NCOA1: variants seen among roughly 807,000 people sequenced by gnomAD.
NCOA1 encodes the protein Hin-2 protein.
NCOA1 carries 35 observed loss-of-function variants against 150.9 expected under a neutral mutation model. That is an observed-to-expected ratio of 0.23 (90% CI 0.18 to 0.31). The LOEUF is 0.31. Ranked by LOEUF, NCOA1 falls within the 10% of genes least tolerant of loss-of-function variation. NCOA1 has a pLI of 1.00. For synonymous variants in NCOA1, 590 were observed against 630.0 expected (o/e 0.94, Z 0.95); for missense variants, 1,491 against 1,749.3 (o/e 0.85, Z 2.63).
chr2:24,540,081 T>C (rs1389251024), intron 1 of NCOA1, among the ~76,000 whole-genome samples: 2 of 152,098 alleles, frequency 1.3e-5, no homozygotes, highest in Non-Finnish European at 1.5e-5. Context: ...GAAAGCAATA[T>C]GAGATAAGTA....
intron 3 of NCOA1, among the ~76,000 whole-genome samples, chr2:24,641,756 G>A (rs909172311): frequency 9.9e-5 from 15 of 151,926 alleles, no homozygotes; most frequent in African/African-American, 3.6e-4. Flanking sequence ...TGTATGTGAC[G>A]TGCTACCTTG....
intron 3 of NCOA1, among the ~76,000 whole-genome samples, chr2:24,637,850 C>A (rs2148447791): frequency 6.6e-6 from 1 of 152,244 alleles, no homozygotes; most frequent in African/African-American, 2.4e-5. Flanking sequence ...CATGCGCCAC[C>A]ATGTCCGGCT....
chr2:24,528,212 G>A (rs1159607682), intron 1 of NCOA1, among the ~76,000 whole-genome samples: 1 of 151,930 alleles, frequency 6.6e-6, no homozygotes, highest in African/African-American at 2.4e-5. Context: ...CTTTTGGTGT[G>A]TTGTGTTAAG....
chr2:24,683,242 A>C, intron 8 of NCOA1, 114 bp downstream of exon 8: 2 of 611,746 alleles, frequency 3.3e-6, no homozygotes, highest in Non-Finnish European at 4.6e-6. Context: ...ATATGTTATA[A>C]TATGTGTTTA....
intron 1 of NCOA1, among the ~76,000 whole-genome samples, chr2:24,540,559 A>G (rs887358395): frequency 5.9e-5 from 9 of 152,008 alleles, no homozygotes; most frequent in African/African-American, 2.4e-5. Context: ...CCCAGGTTCA[A>G]GTGATTCTCC....
chr2:24,700,011 C>T (rs947056380), intron 11 of NCOA1, among the ~76,000 whole-genome samples: 5 of 151,968 alleles, frequency 3.3e-5, no homozygotes, highest in East Asian at 3.9e-4. Context: ...CGCATGGTGG[C>T]GCAGTCCTGT....
At chr2:24,732,361 A>G (rs1300450370) in intron 17 of NCOA1, among the ~76,000 whole-genome samples, 1 of 152,232 alleles carries the variant, frequency 6.6e-6, no homozygotes, top group African/African-American at 2.4e-5. Flanking sequence ...TATAAGCCCC[A>G]TGTATGTCTA....
intron 1 of NCOA1, among the ~76,000 whole-genome samples, chr2:24,506,645 C>A (rs1663708742): frequency 6.6e-6 from 1 of 152,088 alleles, no homozygotes; most frequent in Non-Finnish European, 1.5e-5. Context: ...AGAGAATACT[C>A]ACCTGATTGC....
At chr2:24,751,913 G>C (rs1332807270) in intron 19 of NCOA1, 69 bp from the exon 20 acceptor site, 2 of 1,378,034 alleles carry the variant, frequency 1.5e-6, no homozygotes, top group Non-Finnish European at 2.0e-6. Flanking sequence ...GATCCTTTTG[G>C]GTTTTTTCAT....
At chr2:24,658,624 T>G in intron 4 of NCOA1, 37 bp from the exon 5 acceptor site, 1 of 1,505,426 alleles carries the variant, frequency 6.6e-7, no homozygotes, top group Non-Finnish European at 9.2e-7. Flanking sequence ...GGAAAGGTCA[T>G]AAGGGTAGAT....
intron 19 of NCOA1, 71 bp from the exon 20 acceptor site, chr2:24,751,911 T>C: frequency 7.4e-7 from 1 of 1,355,852 alleles, no homozygotes; most frequent in Non-Finnish European, 1.0e-6. Flanking sequence ...CAGATCCTTT[T>C]GGGTTTTTTC....
At chr2:24,500,119 T>G (rs1354886454) in intron 1 of NCOA1, among the ~76,000 whole-genome samples, 1 of 152,196 alleles carries the variant, frequency 6.6e-6, no homozygotes, top group Non-Finnish European at 1.5e-5. Flanking sequence ...TTTCTTTCTT[T>G]TTTTTTGAGA....
At chr2:24,626,527 G>T (rs577488953) in intron 3 of NCOA1, among the ~76,000 whole-genome samples, 1 of 152,188 alleles carries the variant, frequency 6.6e-6, no homozygotes, top group African/African-American at 2.4e-5. Context: ...TCTAAGAACC[G>T]AGAGAGCTGG....
chr2:24,720,710 AAAAAGAAAGAAAAAAG>A (rs1674319676), intron 14 of NCOA1, among the ~76,000 whole-genome samples: 1 of 152,230 alleles, frequency 6.6e-6, no homozygotes. Flanking sequence ...TTGCAGAAGG[AAAAAGAAAGAAAAAAG>A]ATGGGAACAA....
chr2:24,563,330 T>A (rs1344881012), intron 1 of NCOA1, among the ~76,000 whole-genome samples: 2 of 151,930 alleles, frequency 1.3e-5, no homozygotes, highest in African/African-American at 2.4e-5. Flanking sequence ...AGCCCAAGAG[T>A]GATAGGCGTA....
chr2:24,491,586 A>G lies in NCOA1; in HGVS notation c.-412A>G, dbSNP rs1662960896. ...AGTGCGGCGCCGGTGAGCGGGGCCC[A>G]GAGGCGGCGGCGGCAGGTGAGTGGC... On this transcript the variant is annotated 5_prime_UTR_variant, in exon 1 of 23. Transcript: ENST00000348332. 8.6e-6 allele frequency among the ~76,000 whole-genome samples: 1 copy of G among 115,998 alleles called. No homozygotes were observed. Among genetic ancestry groups the G allele is most frequent in the Non-Finnish European group, 1.7e-5 (1 of 58,982 alleles). The allele number at this position is 115,998 out of a possible 152,430, so 76.1% of individuals were successfully genotyped here.
rs1461634710 is a variant in NCOA1, at chr2:24,680,022, T to C, written c.355-2929T>C. Among the ~76,000 whole-genome samples, 4 of 152,292 alleles carry C rather than the reference T, an allele frequency of 2.6e-5. No individual in the cohort carries two copies. The East Asian group carries it at 7.7e-4, about 29-fold the overall frequency. On this transcript the variant is annotated intron_variant, in intron 7 of 22. Transcript: ENST00000348332. ...TTACTAAATTTCATTTATTTTAATA[T>C]TTGGTTTAAATAATCTTGTCCATTC... is the stretch of plus-strand genomic sequence containing the variant.
intron 4 of NCOA1, among the ~76,000 whole-genome samples, chr2:24,653,523 T>C (rs1279006172): frequency 1.3e-5 from 2 of 152,184 alleles, no homozygotes; most frequent in East Asian, 3.8e-4. Flanking sequence ...GTTGTATTAG[T>C]AAGATAGGTT....
chr2:24,635,511 C>G (rs1180692284), intron 3 of NCOA1, among the ~76,000 whole-genome samples: 1 of 152,082 alleles, frequency 6.6e-6, no homozygotes, highest in African/African-American at 2.4e-5. Flanking sequence ...TGAAAACTGT[C>G]AGGTTTTATA....
Sources: allele counts gnomAD v4.1 joint callset (sites outside exome capture counted in the v4.1 genomes callset), GRCh38; gene constraint gnomAD v4.1.1; transcripts MANE v1.5; gene names NCBI Gene and HGNC (gene_info 2026-07-23, HGNC 2026-07-21).